The following BCAT1 variants were observed in gnomAD, a reference collection of about 807,000 sequenced individuals.
BCAT1 encodes the protein branched chain amino acid transaminase 1.
In BCAT1, 48 loss-of-function variants were observed where a neutral mutation model predicts 52.4. The observed-to-expected ratio is 0.92, with a 90% CI of 0.73 to 1.16. The LOEUF is 1.16. BCAT1 is among the 50% of genes most tolerant of loss of function. BCAT1 has a pLI of 0.00. For missense variants in BCAT1, 451 were observed against 457.1 expected, an observed-to-expected ratio of 0.99 and a Z score of 0.12; for synonymous variants, 167 against 161.3, an observed-to-expected ratio of 1.04 and a Z score of -0.27.
At chr12:24,844,672 C>A (rs1234601372) in intron 6 of BCAT1, among the ~76,000 whole-genome samples, 6 of 147,176 alleles carry the variant, frequency 4.1e-5, no homozygotes, top group Non-Finnish European at 6.0e-5. Context: ...GCGAGACGGC[C>A]GGATCATGAG....
At chr12:24,842,385 A>G (rs1941202900) in intron 6 of BCAT1, among the ~76,000 whole-genome samples, 161 bp from the exon 7 acceptor site, 1 of 152,250 alleles carries the variant, frequency 6.6e-6, no homozygotes, top group Non-Finnish European at 1.5e-5. Flanking sequence ...ATAACATTAA[A>G]GGAAAACTCA....
At chr12:24,854,251 T>C (rs935908723) in intron 5 of BCAT1, among the ~76,000 whole-genome samples, 6 of 152,208 alleles carry the variant, frequency 3.9e-5, no homozygotes, top group Non-Finnish European at 7.3e-5. Flanking sequence ...TATTAGCCTA[T>C]GTTTTGGCCT....
chr12:24,867,358 AC>A (rs1942053723), intron 5 of BCAT1, among the ~76,000 whole-genome samples: 1 of 78,158 alleles, frequency 1.3e-5, no homozygotes, highest in Non-Finnish European at 2.7e-5. Flanking sequence ...TTTTTTTTTT[AC>A]CTTTAACATG....
Position 24,892,788 on chromosome 12 carries a change from G to A in BCAT1, c.279+1487C>T, listed in dbSNP as rs540652736. On this transcript the variant is annotated intron_variant, in intron 3 of 10. Transcript: ENST00000261192. ...GGTTTGCTTGAGCCCAGGAGTTTGAGGCTGCAGTGAGCCACGATCGTGCCA... is the reference window on the plus strand; with the variant it reads ...GGTTTGCTTGAGCCCAGGAGTTTGAAGCTGCAGTGAGCCACGATCGTGCCA... Among the ~76,000 whole-genome samples the A allele has an allele frequency of 5.4e-3, 830 of 152,304 alleles. 4 individuals carry two copies. The highest frequency in any genetic ancestry group is 0.019 in the African/African-American group (802 of 41,574).
chr12:24,862,226 A>G (rs1591817508), intron 5 of BCAT1, among the ~76,000 whole-genome samples: 1 of 152,066 alleles, frequency 6.6e-6, no homozygotes, highest in East Asian at 1.9e-4. Context: ...TACTCTGTGG[A>G]CTCACCCTGA....
rs1939853522 is a variant in BCAT1 at position 24,815,775 on chromosome 12, A to G, written c.*2233T>C. On this transcript the variant is annotated 3_prime_UTR_variant, in exon 11 of 11. Transcript: ENST00000261192. ...AGGTTTTATGAAAGAAATGATACAA[A>G]CATAATGTTCTCTAACTTTCACAAT... 6.6e-6 allele frequency: 1 copy of G among 152,204 alleles called. No individual in the cohort carries two copies. The highest frequency in any genetic ancestry group is 2.4e-5 in the African/African-American group (1 of 41,450). The allele number at this position is 152,204 out of a possible 1,614,324, so 9.4% of individuals were successfully genotyped here.
intron 5 of BCAT1, among the ~76,000 whole-genome samples, chr12:24,853,619 A>T (rs1038851886): frequency 6.6e-6 from 1 of 152,242 alleles, no homozygotes; most frequent in East Asian, 1.9e-4. Flanking sequence ...AATTAAAAAA[A>T]GTCAATTAAC....
chr12:24,892,656 C>G (rs1226227088), intron 3 of BCAT1, among the ~76,000 whole-genome samples: 1 of 151,646 alleles, frequency 6.6e-6, no homozygotes, highest in Non-Finnish European at 1.5e-5. Flanking sequence ...AGTTTGAGAC[C>G]AGCCTGGGCA....
intron 10 of BCAT1, among the ~76,000 whole-genome samples, chr12:24,829,126 G>A (rs1347950701): frequency 6.6e-6 from 1 of 152,076 alleles, no homozygotes; most frequent in Non-Finnish European, 1.5e-5. Flanking sequence ...GTTCATGCCT[G>A]TAATCCCAAC....
intron 1 of BCAT1, among the ~76,000 whole-genome samples, chr12:24,933,259 G>A (rs1204116764): frequency 6.6e-6 from 1 of 151,840 alleles, no homozygotes; most frequent in Non-Finnish European, 1.5e-5. Flanking sequence ...GTGCACCACT[G>A]TGCCTGGCAA....
At chr12:24,867,776 G>T (rs1942067577) in intron 5 of BCAT1, among the ~76,000 whole-genome samples, 1 of 152,120 alleles carries the variant, frequency 6.6e-6, no homozygotes, top group Admixed American at 6.5e-5. Context: ...AGGCTGAGTG[G>T]GGCAGATCAC....
chr12:24,928,947 G>C (rs1476997179), intron 1 of BCAT1, among the ~76,000 whole-genome samples: 1 of 151,964 alleles, frequency 6.6e-6, no homozygotes, highest in Non-Finnish European at 1.5e-5. Context: ...TTTTAGTAGA[G>C]AAGGGGTTTC....
chr12:24,916,561 T>C (rs949206862), intron 1 of BCAT1, among the ~76,000 whole-genome samples: 1 of 152,206 alleles, frequency 6.6e-6, no homozygotes, highest in Non-Finnish European at 1.5e-5. Context: ...TGTTTTGAGA[T>C]AGAGTCTCGC....
At chr12:24,891,575 A>C (rs1267853842) in intron 3 of BCAT1, among the ~76,000 whole-genome samples, 2 of 152,184 alleles carry the variant, frequency 1.3e-5, no homozygotes, top group African/African-American at 4.8e-5. Flanking sequence ...ATTAATACAA[A>C]ACATTTATTT....
chr12:24,946,802 C>A (rs1397564764), intron 1 of BCAT1, among the ~76,000 whole-genome samples: 1 of 152,076 alleles, frequency 6.6e-6, no homozygotes, highest in Admixed American at 6.6e-5. Flanking sequence ...CAATTGTGAT[C>A]GAATGTTTTC....
intron 5 of BCAT1, among the ~76,000 whole-genome samples, chr12:24,866,466 C>T (rs1274087572): frequency 2.0e-5 from 3 of 152,176 alleles, no homozygotes; most frequent in Non-Finnish European, 2.9e-5. Flanking sequence ...ATCAACAGCC[C>T]GAGGGCTGAG....
At chr12:24,926,272 G>A (rs914144377) in intron 1 of BCAT1, among the ~76,000 whole-genome samples, 11 of 151,502 alleles carry the variant, frequency 7.3e-5, no homozygotes, top group African/African-American at 1.9e-4. Flanking sequence ...CCCTCCACCC[G>A]GCAGCCGCCC....
chr12:24,912,397 G>A (rs1412293246), intron 1 of BCAT1, among the ~76,000 whole-genome samples: 2 of 152,128 alleles, frequency 1.3e-5, no homozygotes, highest in African/African-American at 4.8e-5. Context: ...GTGGGCACCT[G>A]TAGTCCCAGC....
At chr12:24,865,692 A>T (rs140576179) in intron 5 of BCAT1, among the ~76,000 whole-genome samples, 2,359 of 152,292 alleles carry the variant, frequency 0.015, 62 homozygotes, top group African/African-American at 0.054. Flanking sequence ...ATCTGGTTAA[A>T]TACATCAAAT....
Sources: gnomAD v4.1 joint callset for allele counts (sites outside exome capture counted in the v4.1 genomes callset) on GRCh38, gnomAD v4.1.1 for gene constraint, MANE v1.5 for transcripts, NCBI Gene and HGNC (gene_info 2026-07-23, HGNC 2026-07-21) for gene names.